The following PIP5K1B variants were observed in gnomAD, a reference collection of about 807,000 sequenced individuals.
PIP5K1B encodes the protein phosphatidylinositol 4-phosphate 5-kinase type-1 beta.
A neutral mutation model predicts 67.0 loss-of-function variants in PIP5K1B; 42 were observed. The observed-to-expected ratio is 0.63, with a 90% CI of 0.49 to 0.81. The LOEUF (loss-of-function observed/expected upper bound fraction) is 0.81, where lower values mean the gene tolerates loss of function less well. Ranked by LOEUF, PIP5K1B falls within the 30% of genes least tolerant of loss-of-function variation. The pLI is 0.00. For missense variants in PIP5K1B, 459 were observed against 646.3 expected (o/e 0.71, Z 3.14); for synonymous variants, 214 against 231.4 (o/e 0.92, Z 0.68).
At chr9:68,984,683 A>G (rs1170675229) in intron 14 of PIP5K1B, among the ~76,000 whole-genome samples, 1 of 152,174 alleles carries the variant, frequency 6.6e-6, no homozygotes. Context: ...GTTGTTTTAG[A>G]AAGCATATTT....
intron 9 of PIP5K1B, among the ~76,000 whole-genome samples, chr9:68,918,974 C>G (rs73647030): frequency 2.5e-4 from 38 of 152,134 alleles, no homozygotes; most frequent in African/African-American, 8.9e-4. Context: ...CATACACACA[C>G]ACACATACTA....
intron 8 of PIP5K1B, among the ~76,000 whole-genome samples, chr9:68,909,479 CAG>C (rs1443268102): frequency 6.6e-6 from 1 of 151,470 alleles, no homozygotes; most frequent in East Asian, 1.9e-4. Context: ...CATCAAATGT[CAG>C]TGTTCAAATT....
intron 8 of PIP5K1B, among the ~76,000 whole-genome samples, chr9:68,895,573 C>T (rs767587728): frequency 1.3e-5 from 2 of 151,618 alleles, no homozygotes; most frequent in African/African-American, 2.4e-5. Context: ...TCTGACACCC[C>T]TTCTAAGGTA....
At chr9:68,979,228 A>G (rs765135093) in intron 14 of PIP5K1B, among the ~76,000 whole-genome samples, 1 of 152,228 alleles carries the variant, frequency 6.6e-6, no homozygotes. Context: ...CCTACGTTCA[A>G]ATCCAAATGC....
intron 1 of PIP5K1B, among the ~76,000 whole-genome samples, chr9:68,719,072 T>G (rs1157316694): frequency 6.6e-6 from 1 of 152,218 alleles, no homozygotes; most frequent in Non-Finnish European, 1.5e-5. Context: ...AGTTCTTTCT[T>G]GTTCGCTTCA....
intron 13 of PIP5K1B, among the ~76,000 whole-genome samples, chr9:68,940,270 G>C (rs1037594928): frequency 2.0e-5 from 3 of 152,118 alleles, no homozygotes; most frequent in Admixed American, 6.5e-5. Context: ...GGGCAAAAAG[G>C]TTCACTGTCT....
intron 14 of PIP5K1B, among the ~76,000 whole-genome samples, chr9:68,983,150 G>C (rs1181777169): frequency 6.6e-6 from 1 of 152,204 alleles, no homozygotes; most frequent in African/African-American, 2.4e-5. Flanking sequence ...TGAGACTATA[G>C]CACTTGCAAA....
At chr9:68,787,315 A>C (rs557686978) in intron 2 of PIP5K1B, among the ~76,000 whole-genome samples, 164 of 152,288 alleles carry the variant, frequency 1.1e-3, no homozygotes, top group Non-Finnish European at 1.8e-3. Flanking sequence ...TGATATCATC[A>C]CAGTCTTCGA....
intron 4 of PIP5K1B, among the ~76,000 whole-genome samples, chr9:68,850,288 A>G (rs918605588): frequency 6.6e-6 from 1 of 152,210 alleles, no homozygotes; most frequent in Non-Finnish European, 1.5e-5. Flanking sequence ...ATGTGATGAT[A>G]CCTACCTAAA....
intron 1 of PIP5K1B, chr9:68,707,703 A>G (rs756741720): frequency 6.6e-6 from 1 of 152,212 alleles, no homozygotes; most frequent in African/African-American, 2.4e-5. Flanking sequence ...TCTGATGTCC[A>G]GTCCATTGCT....
At chr9:68,932,280 G>T (rs981815215) in intron 12 of PIP5K1B, among the ~76,000 whole-genome samples, 6 of 152,080 alleles carry the variant, frequency 3.9e-5, no homozygotes, top group Non-Finnish European at 5.9e-5. Context: ...ATGTAGAAAA[G>T]CAGTTCTCAA....
intron 14 of PIP5K1B, among the ~76,000 whole-genome samples, chr9:68,959,410 C>T (rs1296544702): frequency 6.6e-6 from 1 of 152,050 alleles, no homozygotes; most frequent in African/African-American, 2.4e-5. Context: ...TCAAATAGTT[C>T]TTCCAGGACT....
At chr9:68,817,528 T>C (rs74459327) in intron 2 of PIP5K1B, among the ~76,000 whole-genome samples, 131 of 152,318 alleles carry the variant, frequency 8.6e-4, no homozygotes, top group African/African-American at 3.2e-3. Flanking sequence ...GGTATGTCCA[T>C]CTTGTGAATA....
chr9:68,966,088 A>T (rs1380273271), intron 14 of PIP5K1B, among the ~76,000 whole-genome samples: 5 of 152,078 alleles, frequency 3.3e-5, no homozygotes, highest in African/African-American at 1.2e-4. Context: ...GAACAATTTG[A>T]GCAATAAAAT....
At chr9:68,898,552 C>A (rs1825204284) in intron 8 of PIP5K1B, among the ~76,000 whole-genome samples, 1 of 152,212 alleles carries the variant, frequency 6.6e-6, no homozygotes, top group South Asian at 2.1e-4. Context: ...ACGTGACAGA[C>A]AAGCTGAGAT....
chr9:68,853,597 G>A (rs573451853), intron 4 of PIP5K1B, among the ~76,000 whole-genome samples: 1 of 152,076 alleles, frequency 6.6e-6, no homozygotes, highest in Non-Finnish European at 1.5e-5. Flanking sequence ...CTCTGATGAC[G>A]GCAAAACCAA....
intron 2 of PIP5K1B, chr9:68,782,538 TGTTTAAA>T (rs974696633): frequency 6.0e-6 from 1 of 167,130 alleles, no homozygotes; most frequent in Non-Finnish European, 1.5e-5. Context: ...AAGCTCTGAC[TGTTTAAA>T]GTTATCGCTT....
At chr9:69,003,664 C>T (rs76708009) in intron 15 of PIP5K1B, among the ~76,000 whole-genome samples, 2,248 of 152,116 alleles carry the variant, frequency 0.015, 31 homozygotes, top group Non-Finnish European at 0.024. Flanking sequence ...GTAAGCCAGT[C>T]GGTTGATGGG....
intron 2 of PIP5K1B, among the ~76,000 whole-genome samples, chr9:68,768,491 A>G (rs1830537634): frequency 6.6e-6 from 1 of 152,234 alleles, no homozygotes; most frequent in Admixed American, 6.5e-5. Context: ...AGGAATTCAC[A>G]GTCCTGGGGA....
Sources: gnomAD v4.1 joint callset for allele counts (sites outside exome capture counted in the v4.1 genomes callset) on GRCh38, gnomAD v4.1.1 for gene constraint, MANE v1.5 for transcripts, NCBI Gene and HGNC (gene_info 2026-07-23, HGNC 2026-07-21) for gene names.